Variants in KALRN observed in about 807,000 individuals in gnomAD.
KALRN encodes the protein kalirin RhoGEF kinase, also known as kalirin.
A neutral mutation model predicts 353.7 loss-of-function variants in KALRN; 70 were observed. That is an observed-to-expected ratio of 0.20 (90% CI 0.16 to 0.24). The LOEUF is 0.24. Ranked by LOEUF, KALRN falls within the 10% of genes least tolerant of loss-of-function variation. The probability of loss-of-function intolerance (pLI) is 1.00; values close to 1 mark genes in which losing one functional copy is unlikely to be tolerated. For missense variants in KALRN, 2,791 were observed against 3,756.7 expected (o/e 0.74, Z 6.72); for synonymous variants, 1,391 against 1,434.8 (o/e 0.97, Z 0.69).
chr3:124,178,656 G>C (rs2073127316), intron 1 of KALRN, among the ~76,000 whole-genome samples: 1 of 152,112 alleles, frequency 6.6e-6, no homozygotes, highest in Admixed American at 6.5e-5. Context: ...ATTAATAATA[G>C]TACACCTGTA....
chr3:124,329,225 C>T (rs943783002), intron 7 of KALRN, among the ~76,000 whole-genome samples: 2 of 152,180 alleles, frequency 1.3e-5, no homozygotes, highest in African/African-American at 4.8e-5. Context: ...AGATCTATGT[C>T]TATATATCAC....
chr3:124,334,545 C>A lies in KALRN; in HGVS notation c.1647+50C>A. ...CCATTATCCATTCTAGGAGGCAGAC[C>A]GAGCTCAAGTCCCTGACCTAGGTGA... On this transcript the variant is annotated intron_variant, in intron 9 of 59. Transcript: ENST00000682506. The surrounding 1 kb of genome is among the most constrained non-coding windows in gnomAD (Gnocchi z 4.2). The A allele has an allele frequency of 7.4e-7, 1 of 1,347,422 alleles. No homozygotes were observed. 83.5% of individuals were successfully genotyped at this position (1,347,422 alleles called of 1,614,324 possible). A position where few individuals can be genotyped will look rare whatever the true frequency, so the allele number is the denominator to read the frequency against.
intron 1 of KALRN, among the ~76,000 whole-genome samples, chr3:124,097,478 T>G (rs1173927602): frequency 2.0e-5 from 3 of 152,154 alleles, no homozygotes; most frequent in Non-Finnish European, 2.9e-5. Context: ...AAGGAGGGGA[T>G]AGGAAATGAG....
chr3:124,659,994 C>G (rs573021522), intron 43 of KALRN, among the ~76,000 whole-genome samples: 1 of 151,932 alleles, frequency 6.6e-6, no homozygotes, highest in Admixed American at 6.6e-5. Context: ...TGCAGTGACA[C>G]AGTCATAGCT....
intron 1 of KALRN, among the ~76,000 whole-genome samples, chr3:124,193,534 A>G (rs190472970): frequency 6.6e-6 from 1 of 151,842 alleles, no homozygotes; most frequent in East Asian, 1.9e-4. Flanking sequence ...AATTTAATGA[A>G]CCACTTAACA....
chr3:124,723,840 A>G lies in KALRN; in HGVS notation c.*4370A>G, dbSNP rs566720692. 6.6e-6 allele frequency: 1 copy of G among 152,224 alleles called. No homozygotes were observed. Among genetic ancestry groups the G allele is most frequent in the Non-Finnish European group, 1.5e-5 (1 of 68,038 alleles). 9.4% of individuals were successfully genotyped at this position (152,224 alleles called of 1,614,324 possible). On this transcript the variant is annotated 3_prime_UTR_variant, in exon 60 of 60. Coordinates refer to ENST00000682506, the MANE Select transcript of KALRN (RefSeq NM_001388419.1). ...CTTCTCAAGCTTTATGCTCTGGAAA[A>G]AAGGACAGAGAAGAACCCAACAACC...
chr3:124,667,251 G>GTC (rs1366100359), intron 47 of KALRN, 68 bp downstream of exon 47: 3 of 1,404,876 alleles, frequency 2.1e-6, no homozygotes, highest in Non-Finnish European at 2.9e-6. Flanking sequence ...GCTTCCTTGG[G>GTC]TCTAGGTTCA....
intron 3 of KALRN, among the ~76,000 whole-genome samples, chr3:124,256,393 T>C (rs1393279840): frequency 6.6e-6 from 1 of 152,184 alleles, no homozygotes; most frequent in African/African-American, 2.4e-5. Context: ...TAGTAGCAAC[T>C]AAGACAGAGA....
chr3:124,527,601 A>G (rs920702177), intron 33 of KALRN, among the ~76,000 whole-genome samples: 1 of 136,226 alleles, frequency 7.3e-6, no homozygotes, highest in African/African-American at 2.6e-5. Flanking sequence ...AAGACTGTTT[A>G]AAAAAAAAAA....
chr3:124,383,350 A>T (rs536792435), intron 10 of KALRN, among the ~76,000 whole-genome samples: 2 of 152,318 alleles, frequency 1.3e-5, no homozygotes, highest in South Asian at 4.2e-4. Context: ...CTTAGATAAC[A>T]ACAATTTGTT....
At position 124,470,361 on chromosome 3, in the gene KALRN, G is replaced by A. The variant is rs539735708; in HGVS notation, c.4032-4302G>A. On this transcript the variant is annotated intron_variant, in intron 25 of 59. Transcript: ENST00000682506. ...AATTCATCATGTCTATTTGAAGTAA[G>A]TAGAATAATATGGATCAGACTTACA... is the stretch of plus-strand genomic sequence containing the variant. Among the ~76,000 whole-genome samples the A allele has an allele frequency of 4.8e-3, 735 of 152,298 alleles. 3 individuals are homozygous for A. The highest frequency in any genetic ancestry group is 7.6e-3 in the Non-Finnish European group (516 of 68,036).
At chr3:124,518,772 T>A (rs1396443670) in intron 33 of KALRN, 1 of 1,310,816 alleles carries the variant, frequency 7.6e-7, no homozygotes, top group East Asian at 3.2e-5. Flanking sequence ...TTCCCCCAGA[T>A]CCCACTCAGA....
intron 1 of KALRN, among the ~76,000 whole-genome samples, chr3:124,173,301 G>T (rs1296756962): frequency 6.6e-6 from 1 of 152,180 alleles, no homozygotes; most frequent in Non-Finnish European, 1.5e-5. Flanking sequence ...AAAATAAAAA[G>T]AGAAAGCTTG....
intron 1 of KALRN, among the ~76,000 whole-genome samples, chr3:124,044,614 C>CA (rs758755114): frequency 0.028 from 1,850 of 66,752 alleles, 33 homozygotes; most frequent in Middle Eastern, 0.06. Context: ...ACTCTGTCTC[C>CA]AAAAAAAAAA....
At chr3:124,528,900 T>C (rs577243699) in intron 33 of KALRN, among the ~76,000 whole-genome samples, 2 of 152,346 alleles carry the variant, frequency 1.3e-5, no homozygotes, top group East Asian at 1.9e-4. Flanking sequence ...CTTGGATCTA[T>C]ACTTGTGCTC....
At chr3:124,464,237 A>T (rs1387453950) in intron 25 of KALRN, among the ~76,000 whole-genome samples, 4 of 152,176 alleles carry the variant, frequency 2.6e-5, no homozygotes, top group Admixed American at 6.5e-5. Flanking sequence ...CACTTTCCCC[A>T]TGTTCTTAGC....
chr3:124,406,436 C>T (rs2091548330), intron 13 of KALRN, among the ~76,000 whole-genome samples: 1 of 152,162 alleles, frequency 6.6e-6, no homozygotes, highest in Non-Finnish European at 1.5e-5. Flanking sequence ...TAGATCTTCC[C>T]ATGCAATGAG....
At chr3:124,486,608 A>G (rs1236269556) in intron 28 of KALRN, among the ~76,000 whole-genome samples, 1 of 152,180 alleles carries the variant, frequency 6.6e-6, no homozygotes, top group African/African-American at 2.4e-5. Context: ...ACCCTCACTA[A>G]TTAGATATCT....
At chr3:124,678,162 T>C in intron 49 of KALRN, 28 bp from the exon 50 acceptor site, 1 of 1,610,918 alleles carries the variant, frequency 6.2e-7, no homozygotes, top group Non-Finnish European at 8.5e-7. Context: ...ACCTGCCATT[T>C]TGATTGGTGC....
Sources: gnomAD v4.1 joint callset for allele counts (sites outside exome capture counted in the v4.1 genomes callset) on GRCh38, gnomAD v4.1.1 for gene constraint, Gnocchi (gnomAD v3.1) non-coding constraint, MANE v1.5 for transcripts, NCBI Gene and HGNC (gene_info 2026-07-23, HGNC 2026-07-21) for gene names.